TMEM167A: variants seen among roughly 807,000 people sequenced by gnomAD.
TMEM167A encodes the protein protein kish-A.
A neutral mutation model predicts 11.6 loss-of-function variants in TMEM167A; 8 were observed. The ratio of observed to expected loss-of-function variants is 0.69; its 90% confidence interval spans 0.40 to 1.24. TMEM167A has a LOEUF of 1.24. Ranked by LOEUF, TMEM167A falls within the 50% of genes most tolerant of loss-of-function variation. The probability of loss-of-function intolerance (pLI) is 0.01; values close to 1 mark genes in which losing one functional copy is unlikely to be tolerated. For missense variants in TMEM167A, 62 were observed against 87.0 expected (o/e 0.71, Z 1.14); for synonymous variants, 22 against 28.0 (o/e 0.79, Z 0.67).
At chr5:83,061,726 A>G in intron 3 of TMEM167A, 151 bp downstream of exon 3, 1 of 737,118 alleles carries the variant, frequency 1.4e-6, no homozygotes, top group Non-Finnish European at 2.3e-6. Flanking sequence ...TAAGGAAAAG[A>G]GCTTGGTACA....
chr5:83,077,222 G>A (rs1225665985), intron 1 of TMEM167A, 99 bp downstream of exon 1: 5 of 1,573,958 alleles, frequency 3.2e-6, no homozygotes, highest in Non-Finnish European at 2.6e-6. Flanking sequence ...CTCAGCTCCG[G>A]GCCCACACAC....
In TMEM167A at chr5:83,077,345, G is replaced by C. The variant is rs774741802; in HGVS notation, c.-22C>G. On this transcript the variant is annotated 5_prime_UTR_variant, in exon 1 of 4. Coordinates refer to ENST00000502346, the MANE Select transcript of TMEM167A (RefSeq NM_174909.5). ...CCATAGCGAGGCCGGCGATGCCGCA[G>C]CCACATCACCCTTCCGGGGCTCAGG... The C allele has an allele frequency of 9.3e-6, 15 of 1,614,056 alleles. No homozygotes were observed. The South Asian group carries it at 1.5e-4, about 17-fold the overall frequency.
chr5:83,071,825 C>T (rs1744565720), intron 1 of TMEM167A, among the ~76,000 whole-genome samples: 1 of 152,148 alleles, frequency 6.6e-6, no homozygotes, highest in South Asian at 2.1e-4. Context: ...CTCTTCTCAG[C>T]AACAGTGGCC....
chr5:83,063,903 T>A (rs1744442146), intron 2 of TMEM167A, among the ~76,000 whole-genome samples: 1 of 132,686 alleles, frequency 7.5e-6, no homozygotes, highest in Non-Finnish European at 1.8e-5. Flanking sequence ...GAAGTTATTT[T>A]AAACAGTGAA....
chr5:83,063,259 A>G (rs1744432257), intron 2 of TMEM167A, among the ~76,000 whole-genome samples: 1 of 152,092 alleles, frequency 6.6e-6, no homozygotes, highest in South Asian at 2.1e-4. Flanking sequence ...TCTCTTTAAC[A>G]AAAGGACCCA....
chr5:83,073,521 CAAGT>C (rs1744593753), intron 1 of TMEM167A, among the ~76,000 whole-genome samples: 1 of 152,150 alleles, frequency 6.6e-6, no homozygotes, highest in African/African-American at 2.4e-5. Flanking sequence ...TTAATAAAAA[CAAGT>C]AAGATAGCTG....
chr5:83,073,125 A>C (rs1392174946), intron 1 of TMEM167A, among the ~76,000 whole-genome samples: 2 of 152,218 alleles, frequency 1.3e-5, no homozygotes, highest in African/African-American at 4.8e-5. Flanking sequence ...GTTCCGTTTA[A>C]ATCTTAGCTC....
intron 1 of TMEM167A, among the ~76,000 whole-genome samples, chr5:83,076,895 G>A (rs1744681778): frequency 6.6e-6 from 1 of 152,144 alleles, no homozygotes; most frequent in Non-Finnish European, 1.5e-5. Context: ...TGAAAATGAA[G>A]GTATGGAGTT....
chr5:83,055,486 G>A lies in TMEM167A; in HGVS notation c.*1598C>T, dbSNP rs1201403813. On this transcript the variant is annotated 3_prime_UTR_variant, in exon 4 of 4. Coordinates refer to ENST00000502346, the MANE Select transcript of TMEM167A (RefSeq NM_174909.5). Reference sequence around the variant, plus strand: ...AAGCCCAAGAGGCAGTTTAGAGGAAGAACAATGATTATAACCTGATTCCCT... The same window carrying A: ...AAGCCCAAGAGGCAGTTTAGAGGAAAAACAATGATTATAACCTGATTCCCT... 1.3e-5 allele frequency: 2 copies of A among 151,854 alleles called. No individual in the cohort carries two copies. Among genetic ancestry groups the A allele is most frequent in the African/African-American group, 4.8e-5 (2 of 41,336 alleles). 9.4% of individuals were successfully genotyped at this position (151,854 alleles called of 1,614,324 possible).
In TMEM167A at chr5:83,056,558, C is replaced by A. The variant is rs1191304653; in HGVS notation, c.*526G>T. 1 of 154,274 alleles carries A rather than the reference C, an allele frequency of 6.5e-6. No individual in the cohort carries two copies. Among genetic ancestry groups the A allele is most frequent in the Admixed American group, 6.6e-5 (1 of 15,252 alleles). 9.6% of individuals were successfully genotyped at this position (154,274 alleles called of 1,614,324 possible). ...TGTTTTAAATATTTTAAATACTTGT[C>A]ATAAACTAGAGTTTGCTAAGAGTAG... On this transcript the variant is annotated 3_prime_UTR_variant, in exon 4 of 4. Coordinates refer to ENST00000502346, the MANE Select transcript of TMEM167A (RefSeq NM_174909.5).
At chr5:83,073,664 T>C (rs1744596095) in intron 1 of TMEM167A, among the ~76,000 whole-genome samples, 1 of 152,206 alleles carries the variant, frequency 6.6e-6, no homozygotes, top group African/African-American at 2.4e-5. Flanking sequence ...ACCCATTGTA[T>C]ATATCTCTGG....
intron 3 of TMEM167A, among the ~76,000 whole-genome samples, chr5:83,061,499 C>T (rs1029438911): frequency 1.3e-5 from 2 of 152,148 alleles, no homozygotes; most frequent in Non-Finnish European, 2.9e-5. Flanking sequence ...ACCTTCGCCT[C>T]TCGGGTTCAA....
At chr5:83,061,971 C>A (rs1744413798) in intron 2 of TMEM167A, 60 bp from the exon 3 acceptor site, 4 of 1,347,022 alleles carry the variant, frequency 3.0e-6, no homozygotes, top group Admixed American at 3.5e-5. Flanking sequence ...GTAAATTATT[C>A]TCTTGATATC....
intron 1 of TMEM167A, among the ~76,000 whole-genome samples, chr5:83,066,704 C>T (rs970450659): frequency 2.2e-4 from 33 of 151,962 alleles, no homozygotes; most frequent in African/African-American, 7.7e-4. Context: ...AATTTGATCC[C>T]CAGTAAGGTA....
chr5:83,072,034 TC>T (rs1287604690), intron 1 of TMEM167A, among the ~76,000 whole-genome samples: 1 of 152,222 alleles, frequency 6.6e-6, no homozygotes, highest in Non-Finnish European at 1.5e-5. Flanking sequence ...TTAACAACTT[TC>T]ATGGATATGA....
At chr5:83,066,177 T>C (rs1164905375) in intron 1 of TMEM167A, among the ~76,000 whole-genome samples, 2 of 152,234 alleles carry the variant, frequency 1.3e-5, no homozygotes, top group South Asian at 2.1e-4. Context: ...ACTGTGTATA[T>C]ATAACAAAGA....
chr5:83,064,175 G>A (rs780228183), intron 2 of TMEM167A: 6 of 505,004 alleles, frequency 1.2e-5, no homozygotes, highest in South Asian at 8.7e-5. Context: ...ATTTTAAAAT[G>A]TAAAAATAGG....
In TMEM167A at chr5:83,060,785, C is replaced by T. The variant is rs565628695; in HGVS notation, c.148+1092G>A. ...GGCGGAGCTTGCAGTGAGCGGAGAT[C>T]GTGCCACTGCACTCCAGCCTGGGCA... On this transcript the variant is annotated intron_variant, in intron 3 of 3. Coordinates refer to ENST00000502346, the MANE Select transcript of TMEM167A (RefSeq NM_174909.5). 9.3e-5 allele frequency among the ~76,000 whole-genome samples: 14 copies of T among 150,384 alleles called. No individual in the cohort carries two copies. In the South Asian group the frequency reaches 2.1e-3, roughly 23 times the overall value.
intron 3 of TMEM167A, among the ~76,000 whole-genome samples, chr5:83,058,461 C>T (rs1744363223): frequency 6.6e-6 from 1 of 151,820 alleles, no homozygotes; most frequent in Non-Finnish European, 1.5e-5. Context: ...AAATAAAAAT[C>T]TTTTAAAATT....
Sources: gnomAD v4.1 joint callset for allele counts (sites outside exome capture counted in the v4.1 genomes callset) on GRCh38, gnomAD v4.1.1 for gene constraint, MANE v1.5 for transcripts, NCBI Gene and HGNC (gene_info 2026-07-23, HGNC 2026-07-21) for gene names.